Variants in CPED1 observed in about 807,000 individuals in gnomAD.
CPED1 encodes the protein cadherin-like and PC-esterase domain-containing protein 1.
A neutral mutation model predicts 128.2 loss-of-function variants in CPED1; 114 were observed. That is an observed-to-expected ratio of 0.89 (90% CI 0.76 to 1.04). The LOEUF is 1.04. CPED1 is among the 50% of genes least tolerant of loss of function. The pLI, the probability that CPED1 is intolerant of heterozygous loss-of-function variation, is 0.00. For missense variants in CPED1, 1,211 were observed against 1,207.1 expected (o/e 1.00, Z -0.05); for synonymous variants, 462 against 426.7 (o/e 1.08, Z -1.02).
intron 2 of CPED1, among the ~76,000 whole-genome samples, chr7:121,000,402 G>A (rs1024462507): frequency 1.3e-5 from 2 of 152,006 alleles, no homozygotes; most frequent in Non-Finnish European, 1.5e-5. Context: ...AGACTGAGTC[G>A]GCCATGTATA....
At chr7:121,238,870 C>A (rs2116672383) in intron 17 of CPED1, among the ~76,000 whole-genome samples, 1 of 151,998 alleles carries the variant, frequency 6.6e-6, no homozygotes, top group Middle Eastern at 3.5e-3. Flanking sequence ...TGTCCCTTAT[C>A]CATCTTCCAA....
At chr7:121,000,981 T>C (rs991446869) in intron 2 of CPED1, among the ~76,000 whole-genome samples, 2 of 152,192 alleles carry the variant, frequency 1.3e-5, no homozygotes, top group African/African-American at 4.8e-5. Context: ...ATAAATATTA[T>C]GTGTGTCCTT....
intron 4 of CPED1, among the ~76,000 whole-genome samples, chr7:121,058,566 G>A (rs1251007786): frequency 6.6e-6 from 1 of 152,162 alleles, no homozygotes; most frequent in Non-Finnish European, 1.5e-5. Context: ...GGCACAGAGA[G>A]GTTATAAAAC....
At chr7:121,201,658 G>C (rs1797404097) in intron 16 of CPED1, among the ~76,000 whole-genome samples, 1 of 152,054 alleles carries the variant, frequency 6.6e-6, no homozygotes, top group African/African-American at 2.4e-5. Context: ...CCTCTACCTG[G>C]TAAGCCCTCT....
At chr7:121,283,043 T>A (rs1792493474) in intron 22 of CPED1, among the ~76,000 whole-genome samples, 1 of 152,206 alleles carries the variant, frequency 6.6e-6, no homozygotes, top group South Asian at 2.1e-4. Flanking sequence ...TTTTTCACTA[T>A]AACAATTAAA....
In CPED1 at chr7:121,074,509, G is replaced by GTTTTTTTTTTTTTTTTTTTTTTT. The variant is rs1157885862; in HGVS notation, c.616+10214_616+10215insTTTTTTTTTTTTTTTTTTTTTTT. On this transcript the variant is annotated intron_variant, in intron 5 of 22. Transcript: ENST00000310396. ...TTCCTTACTAATAAATTTCCTTTGT[G>GTTTTTTTTTTTTTTTTTTTTTTT]TTTTTTTTTTTTTTTTTTGAGGGCA... 9.9e-5 allele frequency among the ~76,000 whole-genome samples: 8 copies of GTTTTTTTTTTTTTTTTTTTTTTT among 80,840 alleles called. 2 individuals are homozygous for GTTTTTTTTTTTTTTTTTTTTTTT. The highest frequency in any genetic ancestry group is 3.2e-4 in the African/African-American group (7 of 22,024). The allele number at this position is 80,840 out of a possible 152,430, so 53.0% of individuals were successfully genotyped here.
intron 7 of CPED1, among the ~76,000 whole-genome samples, chr7:121,119,159 A>T (rs897858221): frequency 6.6e-6 from 1 of 151,434 alleles, no homozygotes; most frequent in Non-Finnish European, 1.5e-5. Flanking sequence ...ACTTAGAGCC[A>T]TACGGTCACT....
intron 16 of CPED1, among the ~76,000 whole-genome samples, chr7:121,221,208 G>A (rs1797868787): frequency 6.6e-6 from 1 of 152,070 alleles, no homozygotes; most frequent in Non-Finnish European, 1.5e-5. Context: ...GTGAGAACAT[G>A]CAGTGTTTGG....
chr7:121,273,353 C>G (rs907774483), intron 22 of CPED1, among the ~76,000 whole-genome samples: 5 of 151,898 alleles, frequency 3.3e-5, no homozygotes, highest in Non-Finnish European at 7.4e-5. Context: ...GAAACCCCGT[C>G]TCTACTAAAA....
At chr7:121,031,136 C>T (rs910080606) in intron 3 of CPED1, among the ~76,000 whole-genome samples, 2 of 152,136 alleles carry the variant, frequency 1.3e-5, no homozygotes, top group Non-Finnish European at 2.9e-5. Context: ...TATGCATACA[C>T]CATATTTTTA....
Position 121,046,881 on chromosome 7 carries a change from T to C in CPED1, c.434-6T>C, listed in dbSNP as rs1007464464. ...TTATTTGTTTTGAATATTCTTTTGC[T>C]TTTAGGTGATCTGGGCTCTTGGGAT... On this transcript the variant is annotated splice_polypyrimidine_tract_variant and splice_region_variant and intron_variant, in intron 3 of 22. Transcript: ENST00000310396. 1 of 1,592,860 alleles carries C rather than the reference T, an allele frequency of 6.3e-7. No homozygotes were observed. Among genetic ancestry groups the C allele is most frequent in the Admixed American group, 1.7e-5 (1 of 59,038 alleles).
At chr7:121,178,566 G>C (rs1168718020) in intron 16 of CPED1, among the ~76,000 whole-genome samples, 1 of 151,986 alleles carries the variant, frequency 6.6e-6, no homozygotes, top group Non-Finnish European at 1.5e-5. Context: ...AGGTGGTAAG[G>C]ACTGTGCAAG....
intron 2 of CPED1, among the ~76,000 whole-genome samples, chr7:121,008,746 C>T (rs774462594): frequency 2.0e-5 from 3 of 151,930 alleles, no homozygotes; most frequent in Non-Finnish European, 2.9e-5. Context: ...TGGTTTATTG[C>T]TCTTCTTGCA....
intron 3 of CPED1, among the ~76,000 whole-genome samples, chr7:121,037,843 G>C (rs965778109): frequency 5.3e-5 from 8 of 151,994 alleles, no homozygotes; most frequent in Non-Finnish European, 1.2e-4. Context: ...CCTTGTAGAG[G>C]TCCTTCACGT....
intron 16 of CPED1, among the ~76,000 whole-genome samples, chr7:121,228,898 T>A (rs1314402704): frequency 2.0e-5 from 3 of 152,064 alleles, no homozygotes; most frequent in African/African-American, 7.2e-5. Flanking sequence ...AAATATTACA[T>A]GTTCTCACTT....
Position 121,266,301 on chromosome 7 carries a change from G to A in CPED1, c.2385G>A (p.Gln795=). 1 of 1,613,230 alleles carries A rather than the reference G, an allele frequency of 6.2e-7. No individual in the cohort carries two copies. The highest frequency in any genetic ancestry group is 1.1e-5 in the South Asian group (1 of 91,074). The stretch of plus-strand genomic sequence containing the variant: ...TTGAAAGGCTGAATGAAACGTTGCA[G>A]GAATGGCAGAAAGTACATGGCACTA... ...YLIERLNETL[Q]EWQKVHGTKF... is the part of the protein sequence containing the mutation. The change falls in exon 19 of 23, where the codon CAG becomes CAA. Residue 795 remains glutamine, a synonymous_variant. Transcript: ENST00000310396.
chr7:121,279,817 T>G (rs1363660279), intron 22 of CPED1, among the ~76,000 whole-genome samples: 2 of 152,116 alleles, frequency 1.3e-5, no homozygotes, highest in Non-Finnish European at 2.9e-5. Flanking sequence ...TAAATTAATC[T>G]AGAGGCTGAA....
intron 2 of CPED1, among the ~76,000 whole-genome samples, chr7:121,005,070 T>A (rs1475258185): frequency 6.6e-6 from 1 of 152,220 alleles, no homozygotes; most frequent in East Asian, 1.9e-4. Flanking sequence ...ACACTACCTT[T>A]TTGTATCCTA....
chr7:121,060,212 C>T (rs970458339), intron 4 of CPED1, among the ~76,000 whole-genome samples: 2 of 152,236 alleles, frequency 1.3e-5, no homozygotes, highest in African/African-American at 4.8e-5. Flanking sequence ...CATGCCTGAG[C>T]CTCCCACCCC....
Sources: allele counts gnomAD v4.1 joint callset (sites outside exome capture counted in the v4.1 genomes callset), GRCh38; gene constraint gnomAD v4.1.1; transcripts MANE v1.5; gene names NCBI Gene and HGNC (gene_info 2026-07-23, HGNC 2026-07-21).